Variants in ADGRV1 observed in about 807,000 individuals in gnomAD.
The protein encoded by ADGRV1 is G-protein coupled receptor 98.
ADGRV1 carries 359 observed loss-of-function variants against 596.2 expected under a neutral mutation model. That is an observed-to-expected ratio of 0.60 (90% CI 0.55 to 0.66). ADGRV1 has a LOEUF of 0.66. Among genes scored for constraint, ADGRV1 ranks in the 30% least tolerant of loss-of-function variants. The pLI, the probability that ADGRV1 is intolerant of heterozygous loss-of-function variation, is 0.00. For missense variants in ADGRV1, 7,274 were observed against 7,575.6 expected (o/e 0.96, Z 1.48); for synonymous variants, 2,681 against 2,679.2 (o/e 1.00, Z -0.02).
At chr5:90,916,040 G>A (rs986656839) in intron 83 of ADGRV1, among the ~76,000 whole-genome samples, 33 of 152,252 alleles carry the variant, frequency 2.2e-4, no homozygotes, top group Middle Eastern at 3.4e-3. Context: ...TTTTGAGTGT[G>A]AACTAGCACC....
intron 83 of ADGRV1, among the ~76,000 whole-genome samples, chr5:90,907,174 G>A (rs547338578): frequency 1.1e-4 from 17 of 151,998 alleles, no homozygotes; most frequent in African/African-American, 3.6e-4. Context: ...TTAACCTCAT[G>A]GTGTACATAT....
At chr5:90,894,862 A>T (rs1462708556) in intron 83 of ADGRV1, among the ~76,000 whole-genome samples, 2 of 152,204 alleles carry the variant, frequency 1.3e-5, no homozygotes, top group African/African-American at 4.8e-5. Context: ...CTTAAGTCAA[A>T]GTGCTCTAAT....
chr5:91,096,617 G>T (rs2126615595), intron 86 of ADGRV1, among the ~76,000 whole-genome samples: 1 of 152,258 alleles, frequency 6.6e-6, no homozygotes, highest in South Asian at 2.1e-4. Flanking sequence ...GTACTGTGAT[G>T]ATTTGATTTT....
rs1406482551 is a variant in ADGRV1 at position 90,652,461 on chromosome 5, T to C, written c.3532T>C (p.Phe1178Leu). 1 of 1,613,418 alleles carries C rather than the reference T, an allele frequency of 6.2e-7. No homozygotes were observed. Among genetic ancestry groups the C allele is most frequent in the African/African-American group, 1.3e-5 (1 of 74,928 alleles). ...EFYETSGTVNFMDGEEAKPII... is the reference protein window; with the variant it reads ...EFYETSGTVNLMDGEEAKPII... Reference sequence around the variant, plus strand: ...CTATGAAACTTCAGGAACTGTTAACTTCATGGATGGAGAAGAAGCAAAACC... The same window carrying C: ...CTATGAAACTTCAGGAACTGTTAACCTCATGGATGGAGAAGAAGCAAAACC... The change falls in exon 19 of 90, where the codon TTC (phenylalanine) becomes CTC (leucine). Residue 1178 changes from phenylalanine to leucine, a missense_variant. Physicochemically the swap from Phe to Leu is conservative, Grantham distance 22 (BLOSUM62 0). Transcript: ENST00000405460.
intron 19 of ADGRV1, among the ~76,000 whole-genome samples, 160 bp downstream of exon 19, chr5:90,652,723 A>C (rs1421324179): frequency 6.6e-6 from 1 of 152,086 alleles, no homozygotes; most frequent in Non-Finnish European, 1.5e-5. Flanking sequence ...TTCTTGTTTC[A>C]AGTGTTATTC....
rs1423915583 is a variant in ADGRV1, at chr5:90,716,677, A to G, written c.9395A>G (p.Asp3132Gly). 6.2e-7 allele frequency: 1 copy of G among 1,613,122 alleles called. No homozygotes were observed. Among genetic ancestry groups the G allele is most frequent in the African/African-American group, 1.3e-5 (1 of 75,040 alleles). Residue 3132 changes from aspartate to glycine, a missense_variant, in exon 43 of 90, where the codon GAT becomes GGT. Physicochemically the swap from Asp to Gly is moderately conservative, Grantham distance 94. Transcript: ENST00000405460. Reference sequence around the variant, plus strand: ...GTGAATTCCTCAAATGAATCTAAAGATCTGACTCCTTCCAAAGGCTATATT... The same window carrying G: ...GTGAATTCCTCAAATGAATCTAAAGGTCTGACTCCTTCCAAAGGCTATATT... ...TEVNSSNESK[D>G]LTPSKGYIVL...
chr5:90,979,249 A>T (rs11747280), intron 84 of ADGRV1, among the ~76,000 whole-genome samples: 75,820 of 151,362 alleles, frequency 0.5, 20,591 homozygotes, highest in African/African-American at 0.71. Context: ...GCTCACTGCA[A>T]CCTCCGCCTC....
At chr5:91,069,267 A>G (rs576345298) in intron 85 of ADGRV1, among the ~76,000 whole-genome samples, 28 of 152,278 alleles carry the variant, frequency 1.8e-4, no homozygotes, top group Admixed American at 1.4e-3. Context: ...CTATGACCCC[A>G]AAAGCAATTG....
chr5:91,138,595 A>T (rs1794838343), intron 87 of ADGRV1, among the ~76,000 whole-genome samples: 1 of 152,152 alleles, frequency 6.6e-6, no homozygotes, highest in Non-Finnish European at 1.5e-5. Context: ...CGAAAATAAT[A>T]ACATAATCTT....
At chr5:91,048,783 C>G (rs1000213137) in intron 85 of ADGRV1, among the ~76,000 whole-genome samples, 1 of 152,084 alleles carries the variant, frequency 6.6e-6, no homozygotes, top group Non-Finnish European at 1.5e-5. Context: ...GCCTTAGGTT[C>G]TTGATCAAAA....
chr5:90,563,141 A>G (rs1755080729), intron 1 of ADGRV1, among the ~76,000 whole-genome samples: 1 of 152,086 alleles, frequency 6.6e-6, no homozygotes, highest in African/African-American at 2.4e-5. Context: ...TAGATTTCAA[A>G]TGATTCTCAG....
intron 69 of ADGRV1, 27 bp from the exon 70 acceptor site, chr5:90,790,846 T>G: frequency 1.4e-6 from 2 of 1,462,128 alleles, no homozygotes; most frequent in Non-Finnish European, 1.9e-6. Flanking sequence ...TTATATAACT[T>G]TGTTGAGTTT....
At chr5:90,721,927 G>T (rs541469475) in intron 45 of ADGRV1, among the ~76,000 whole-genome samples, 1 of 152,154 alleles carries the variant, frequency 6.6e-6, no homozygotes, top group Admixed American at 6.5e-5. Flanking sequence ...TGGATAGTAG[G>T]TACAGAAATA....
At chr5:90,961,584 G>T (rs944747617) in intron 83 of ADGRV1, among the ~76,000 whole-genome samples, 1 of 150,786 alleles carries the variant, frequency 6.6e-6, no homozygotes, top group Non-Finnish European at 1.5e-5. Context: ...GAGGGAGGAG[G>T]GTGTATATAT....
rs748900883 is a variant in ADGRV1 at position 90,642,703 on chromosome 5, G to C, written c.2308G>C (p.Asp770His). 2 of 1,613,596 alleles carry C rather than the reference G, an allele frequency of 1.2e-6. No homozygotes were observed. The highest frequency in any genetic ancestry group is 1.7e-6 in the Non-Finnish European group (2 of 1,179,584). ...TSRDLIILEN[D>H]DPGGVFEFSP... ...CCGTGACCTAATTATTTTGGAAAAT[G>C]ATGACCCTGGGGGAGTTTTTGAATT... The change falls in exon 12 of 90, where the codon GAT (aspartate) becomes CAT (histidine). Residue 770 changes from aspartate to histidine, a missense_variant. By Grantham distance (81) the Asp-to-His change is moderately conservative. This residue lies in a region of ADGRV1 where 1,715 missense variants were observed against 1,708.8 expected (regional missense o/e 1.00). Coordinates refer to ENST00000405460, the MANE Select transcript of ADGRV1 (RefSeq NM_032119.4).
intron 31 of ADGRV1, among the ~76,000 whole-genome samples, chr5:90,691,648 G>C (rs1746496591): frequency 6.6e-6 from 1 of 152,032 alleles, no homozygotes; most frequent in Non-Finnish European, 1.5e-5. Context: ...GCCTCCCAAA[G>C]TGCTGGGATT....
intron 86 of ADGRV1, among the ~76,000 whole-genome samples, chr5:91,084,623 T>G (rs1037556692): frequency 2.0e-5 from 3 of 152,194 alleles, no homozygotes; most frequent in Admixed American, 2.0e-4. Flanking sequence ...GCTTTTACAC[T>G]GCTGGTGGGA....
chr5:90,595,676 T>C (rs1406202753), intron 1 of ADGRV1, among the ~76,000 whole-genome samples: 2 of 108,496 alleles, frequency 1.8e-5, no homozygotes, highest in Admixed American at 8.8e-5. Context: ...CCCCCCCACC[T>C]CCCTCCCGGA....
At chr5:90,685,574 C>T (rs1214997539) in intron 28 of ADGRV1, among the ~76,000 whole-genome samples, 1 of 150,868 alleles carries the variant, frequency 6.6e-6, no homozygotes, top group Non-Finnish European at 1.5e-5. Context: ...GCACTCCAGC[C>T]TGCGTGGTAG....
Sources: allele counts gnomAD v4.1 joint callset (sites outside exome capture counted in the v4.1 genomes callset), GRCh38; gene constraint gnomAD v4.1.1; regional missense constraint gnomAD v4.1.1; transcripts MANE v1.5; gene names NCBI Gene and HGNC (gene_info 2026-07-23, HGNC 2026-07-21).